Variants in COL26A1 observed in about 807,000 individuals in gnomAD.
COL26A1 encodes collagen alpha-1(XXVI) chain.
A neutral mutation model predicts 59.3 loss-of-function variants in COL26A1; 41 were observed. The ratio of observed to expected loss-of-function variants is 0.69; its 90% CI spans 0.54 to 0.90. COL26A1 has a LOEUF of 0.90. Among genes scored for constraint, COL26A1 ranks in the 40% least tolerant of loss-of-function variants. The pLI, the probability that COL26A1 is intolerant of heterozygous loss-of-function variation, is 0.00. For missense variants in COL26A1, 612 were observed against 602.3 expected, an observed-to-expected ratio of 1.02 and a Z score of -0.17; for synonymous variants, 266 against 256.0, an observed-to-expected ratio of 1.04 and a Z score of -0.37.
chr7:101,404,166 C>A (rs1302770407), intron 1 of COL26A1, among the ~76,000 whole-genome samples: 1 of 152,086 alleles, frequency 6.6e-6, no homozygotes, highest in Non-Finnish European at 1.5e-5. Flanking sequence ...CATCTTAGAG[C>A]CATGAGGCAA....
intron 2 of COL26A1, among the ~76,000 whole-genome samples, chr7:101,433,391 A>C (rs761190361): frequency 6.6e-6 from 1 of 152,152 alleles, no homozygotes; most frequent in Non-Finnish European, 1.5e-5. Context: ...GAGAAGGGAT[A>C]CTGGCCTCAG....
At chr7:101,530,960 TG>T (rs1281907520) in intron 3 of COL26A1, among the ~76,000 whole-genome samples, 11 of 152,036 alleles carry the variant, frequency 7.2e-5, no homozygotes, top group African/African-American at 2.4e-4. Context: ...TGTTTTTTTT[TG>T]TTTTTTGTTT....
At chr7:101,449,832 A>G (rs979880740) in intron 3 of COL26A1, among the ~76,000 whole-genome samples, 1 of 151,862 alleles carries the variant, frequency 6.6e-6, no homozygotes, top group Admixed American at 6.6e-5. Flanking sequence ...CAGCAAAAAG[A>G]TACAGATTAG....
rs149075639 is a variant in COL26A1, at chr7:101,487,546, C to A, written c.385+39759C>A. ...CTCCTTCTAGGGCACACTCGAGGGG[C>A]CCCATCTCTCTCAAGAGAAGGACTC... is the stretch of plus-strand genomic sequence containing the variant. On this transcript the variant is annotated intron_variant, in intron 3 of 12. Transcript: ENST00000313669. 1.8e-3 allele frequency among the ~76,000 whole-genome samples: 273 copies of A among 152,182 alleles called. 1 individual carries two copies. Among genetic ancestry groups the A allele is most frequent in the African/African-American group, 6.1e-3 (254 of 41,534 alleles).
At chr7:101,464,908 C>T (rs868012051) in intron 3 of COL26A1, among the ~76,000 whole-genome samples, 6 of 150,882 alleles carry the variant, frequency 4.0e-5, no homozygotes, top group Middle Eastern at 6.8e-3. Flanking sequence ...GGCGGGGTCT[C>T]GCTATGTTGC....
At chr7:101,548,979 C>T (rs573382650) in intron 8 of COL26A1, among the ~76,000 whole-genome samples, 192 bp from the exon 9 acceptor site, 5 of 152,244 alleles carry the variant, frequency 3.3e-5, no homozygotes, top group East Asian at 3.9e-4. Flanking sequence ...TGTGGGCAGC[C>T]GGTGGAGAGG....
chr7:101,415,627 T>TTGTTC (rs1400945243), intron 1 of COL26A1, among the ~76,000 whole-genome samples: 4 of 151,872 alleles, frequency 2.6e-5, no homozygotes, highest in Admixed American at 6.6e-5. Flanking sequence ...TTCCATGTTT[T>TTGTTC]TGTTTTGTTT....
At chr7:101,461,996 CTTTTTTTTT>C (rs531100830) in intron 3 of COL26A1, among the ~76,000 whole-genome samples, 1 of 117,922 alleles carries the variant, frequency 8.5e-6, no homozygotes, top group Non-Finnish European at 1.7e-5. Flanking sequence ...CCACGGAGCA[CTTTTTTTTT>C]TTTTTTTTTT....
At chr7:101,545,541 T>C (rs992126867) in intron 7 of COL26A1, 51 bp downstream of exon 7, 6 of 1,547,868 alleles carry the variant, frequency 3.9e-6, no homozygotes, top group Middle Eastern at 1.8e-4. Flanking sequence ...CGCTGTGTTC[T>C]GGGAGGGATC....
chr7:101,438,590 T>C (rs1341673655), intron 2 of COL26A1, among the ~76,000 whole-genome samples: 1 of 151,528 alleles, frequency 6.6e-6, no homozygotes, highest in Admixed American at 6.6e-5. Context: ...ATCCATAAAA[T>C]GGGACAGTAA....
At chr7:101,459,208 G>A (rs376866170) in intron 3 of COL26A1, among the ~76,000 whole-genome samples, 10 of 152,270 alleles carry the variant, frequency 6.6e-5, no homozygotes, top group African/African-American at 2.4e-4. Flanking sequence ...AGTTGTCCCA[G>A]TACAAGGGAC....
intron 1 of COL26A1, among the ~76,000 whole-genome samples, chr7:101,405,114 C>T (rs377447151): frequency 1.3e-5 from 2 of 149,490 alleles, no homozygotes; most frequent in Non-Finnish European, 3.0e-5. Flanking sequence ...CCCAGCTACT[C>T]AGGAGACCGA....
At chr7:101,453,862 C>T (rs572469820) in intron 3 of COL26A1, among the ~76,000 whole-genome samples, 60 of 152,278 alleles carry the variant, frequency 3.9e-4, no homozygotes, top group African/African-American at 1.2e-3. Context: ...TTCCCTTTTG[C>T]GTCTCATTCC....
chr7:101,415,950 AGT>A lies in COL26A1; in HGVS notation c.159-4023_159-4022del, dbSNP rs146591485. 6.3e-3 allele frequency among the ~76,000 whole-genome samples: 671 copies of A among 106,120 alleles called. 45 individuals are homozygous for A. Among genetic ancestry groups the A allele is most frequent in the African/African-American group, 0.018 (644 of 35,770 alleles). 69.6% of individuals were successfully genotyped at this position (106,120 alleles called of 152,430 possible). On this transcript the variant is annotated intron_variant, in intron 1 of 12. Coordinates refer to ENST00000313669, the MANE Select transcript of COL26A1 (RefSeq NM_001278563.3). ...ACCCAACCCCTTTCACGTATTTTTG[AGT>A]GTGCTAGTACTGGTAATATGTATTT...
chr7:101,436,209 T>G (rs938522246), intron 2 of COL26A1, among the ~76,000 whole-genome samples: 1 of 152,142 alleles, frequency 6.6e-6, no homozygotes, highest in Non-Finnish European at 1.5e-5. Flanking sequence ...CCATTCCGTC[T>G]GGCTCTCGGG....
At chr7:101,378,725 T>G (rs1476633123) in intron 1 of COL26A1, among the ~76,000 whole-genome samples, 7 of 152,006 alleles carry the variant, frequency 4.6e-5, no homozygotes, top group Non-Finnish European at 1.0e-4. Flanking sequence ...TTATCTGTCT[T>G]TGTTTGCAAG....
At chr7:101,420,704 C>CT (rs556659646) in intron 2 of COL26A1, among the ~76,000 whole-genome samples, 2 of 69,956 alleles carry the variant, frequency 2.9e-5, no homozygotes, top group Admixed American at 1.7e-4. Context: ...CAGCCACACC[C>CT]CTCACCAGCC....
At chr7:101,445,629 G>A (rs891694561) in intron 2 of COL26A1, among the ~76,000 whole-genome samples, 1 of 150,918 alleles carries the variant, frequency 6.6e-6, no homozygotes, top group African/African-American at 2.4e-5. Context: ...CTGCTTGGGA[G>A]GCTGAGGCAG....
intron 1 of COL26A1, among the ~76,000 whole-genome samples, chr7:101,419,493 T>C (rs1349005382): frequency 1.3e-5 from 2 of 152,138 alleles, no homozygotes; most frequent in Non-Finnish European, 2.9e-5. Flanking sequence ...CTGCTTCCCC[T>C]GCTGGCTTCG....
Sources: gnomAD v4.1 joint callset for allele counts (sites outside exome capture counted in the v4.1 genomes callset) on GRCh38, gnomAD v4.1.1 for gene constraint, MANE v1.5 for transcripts, NCBI Gene and HGNC (gene_info 2026-07-23, HGNC 2026-07-21) for gene names.